The following PCDH11X variants were observed in gnomAD, a reference collection of about 807,000 sequenced individuals.
PCDH11X encodes the protein protocadherin 11 X-linked, also known as protocadherin-11 X-linked.
Under a neutral mutation model 53.3 loss-of-function variants are expected in PCDH11X, and 18 were observed. The ratio of observed to expected loss-of-function variants is 0.34; its 90% confidence interval spans 0.23 to 0.50. PCDH11X has a LOEUF of 0.50. PCDH11X is among the 20% of genes least tolerant of loss of function. PCDH11X has a pLI of 0.98. For missense variants in PCDH11X, 570 were observed against 1,032.4 expected, an observed-to-expected ratio of 0.55 and a Z score of 6.14; for synonymous variants, 279 against 393.3, an observed-to-expected ratio of 0.71 and a Z score of 3.44.
intron 6 of PCDH11X, among the ~76,000 whole-genome samples, chrX:91,992,268 T>C (rs1359312768): frequency 9.5e-6 from 1 of 105,648 alleles, no homozygotes; most frequent in East Asian, 3.0e-4. Context: ...AAGGAAGCCC[T>C]GGCTAGTCAT....
At chrX:92,605,348 C>T (rs1252072081) in intron 10 of PCDH11X, among the ~76,000 whole-genome samples, 1 of 110,860 alleles carries the variant, frequency 9.0e-6, no homozygotes, top group African/African-American at 3.3e-5. Flanking sequence ...AGAGAAATTC[C>T]AAAACATTTA....
intron 5 of PCDH11X, among the ~76,000 whole-genome samples, chrX:91,844,001 A>C (rs913668312): frequency 2.7e-5 from 3 of 111,153 alleles, no homozygotes; most frequent in African/African-American, 9.8e-5. Flanking sequence ...CTTATGTAGC[A>C]TGCAGGGATA....
chrX:92,470,830 G>A (rs2073247605), intron 10 of PCDH11X, among the ~76,000 whole-genome samples: 1 of 109,813 alleles, frequency 9.1e-6, no homozygotes, highest in Non-Finnish European at 1.9e-5. Context: ...TGTTTTCAAT[G>A]TGTTGTTGAA....
chrX:92,575,017 T>C (rs1180047164), intron 10 of PCDH11X, among the ~76,000 whole-genome samples: 1 of 111,016 alleles, frequency 9.0e-6, no homozygotes, highest in Non-Finnish European at 1.9e-5. Flanking sequence ...GTATTTTAGA[T>C]AAGTTAAATA....
intron 1 of PCDH11X, among the ~76,000 whole-genome samples, chrX:91,786,442 TTAAAC>T (rs1292347113): frequency 1.0e-5 from 1 of 96,122 alleles, no homozygotes; most frequent in Non-Finnish European, 2.1e-5. Flanking sequence ...TGGATTTTAA[TTAAAC>T]TAAAGGAAAA....
chrX:92,336,219 C>G (rs1162925105), intron 8 of PCDH11X, among the ~76,000 whole-genome samples: 1 of 111,694 alleles, frequency 9.0e-6, no homozygotes, highest in Non-Finnish European at 1.9e-5. Context: ...TTACATTTGA[C>G]ATGCATGGAA....
intron 6 of PCDH11X, among the ~76,000 whole-genome samples, chrX:92,083,225 T>C (rs1205040574): frequency 8.9e-6 from 1 of 111,943 alleles, no homozygotes; most frequent in African/African-American, 3.2e-5. Flanking sequence ...GAAATTTATG[T>C]AAGGCACGCA....
At chrX:92,011,147 C>A (rs2062684168) in intron 6 of PCDH11X, among the ~76,000 whole-genome samples, 1 of 111,805 alleles carries the variant, frequency 8.9e-6, no homozygotes, top group Non-Finnish European at 1.9e-5. Context: ...TAGGTTGATT[C>A]CATGTTTTTG....
intron 6 of PCDH11X, among the ~76,000 whole-genome samples, chrX:92,180,989 G>A (rs1175474540): frequency 9.0e-6 from 1 of 111,104 alleles, no homozygotes; most frequent in Non-Finnish European, 1.9e-5. Context: ...AAATGTGAAA[G>A]CAAATTTGGA....
At chrX:91,942,760 G>GA (rs2061526253) in intron 6 of PCDH11X, among the ~76,000 whole-genome samples, 1 of 109,907 alleles carries the variant, frequency 9.1e-6, no homozygotes, top group Non-Finnish European at 1.9e-5. Flanking sequence ...AAATCCAAAA[G>GA]AAAAAAAGAA....
intron 4 of PCDH11X, among the ~76,000 whole-genome samples, chrX:91,831,143 G>A (rs1347758457): frequency 2.7e-5 from 3 of 111,272 alleles, no homozygotes; most frequent in African/African-American, 9.8e-5. Flanking sequence ...TTTCAGAGAT[G>A]CTTATTTTAT....
intron 9 of PCDH11X, chrX:92,420,656 G>A (rs1250667694): frequency 1.6e-5 from 3 of 191,901 alleles, no homozygotes; most frequent in African/African-American, 9.1e-5. Context: ...CTTTTAATGA[G>A]AGAACATTGG....
At chrX:91,815,021 T>A (rs2147567770) in intron 4 of PCDH11X, among the ~76,000 whole-genome samples, 1 of 111,311 alleles carries the variant, frequency 9.0e-6, no homozygotes, top group African/African-American at 3.3e-5. Context: ...TATTAACTCA[T>A]TTAGTGCACA....
intron 6 of PCDH11X, among the ~76,000 whole-genome samples, chrX:92,186,628 C>CAAAAA (rs34913850): frequency 9.5e-5 from 6 of 63,482 alleles, no homozygotes; most frequent in African/African-American, 3.3e-4. Context: ...AACTCCGTCT[C>CAAAAA]AAAAAAAAAA....
intron 9 of PCDH11X, among the ~76,000 whole-genome samples, chrX:92,433,209 A>G (rs2072289765): frequency 9.0e-6 from 1 of 111,633 alleles, no homozygotes; most frequent in African/African-American, 3.2e-5. Context: ...ATTCAAAAAA[A>G]GTTTTATAAA....
chrX:92,406,158 A>C (rs1415573388), intron 9 of PCDH11X, among the ~76,000 whole-genome samples: 1 of 109,321 alleles, frequency 9.1e-6, no homozygotes, highest in Non-Finnish European at 1.9e-5. Context: ...GTATACCAAC[A>C]TTTATTTATA....
At chrX:92,157,869 T>A (rs1331356957) in intron 6 of PCDH11X, among the ~76,000 whole-genome samples, 19 of 111,885 alleles carry the variant, frequency 1.7e-4, no homozygotes, top group African/African-American at 5.8e-4. Context: ...ATGGAAAAAA[T>A]CAATTATATG....
intron 1 of PCDH11X, among the ~76,000 whole-genome samples, chrX:91,787,564 T>C (rs1458678300): frequency 9.1e-6 from 1 of 110,464 alleles, no homozygotes; most frequent in African/African-American, 3.3e-5. Context: ...AAAAGTAAAA[T>C]GAAGGAATTG....
chrX:92,479,808 G>T (rs2073465114), intron 10 of PCDH11X, among the ~76,000 whole-genome samples: 1 of 108,825 alleles, frequency 9.2e-6, no homozygotes, highest in Non-Finnish European at 1.9e-5. Flanking sequence ...TGACCTTGGA[G>T]AATCTGATGA....
Sources: allele counts gnomAD v4.1 joint callset (sites outside exome capture counted in the v4.1 genomes callset), GRCh38; gene constraint gnomAD v4.1.1; transcripts MANE v1.5; gene names NCBI Gene and HGNC (gene_info 2026-07-23, HGNC 2026-07-21).